Variants in ARSB observed in about 807,000 individuals in gnomAD.
The protein encoded by ARSB is N-acetylgalactosamine-4-sulfatase.
Under a neutral mutation model 50.9 loss-of-function variants are expected in ARSB, and 41 were observed. The observed-to-expected ratio is 0.81, with a 90% CI of 0.63 to 1.04. The LOEUF is 1.04. ARSB is among the 50% of genes least tolerant of loss of function. The pLI is 0.00. For missense variants in ARSB, 672 were observed against 693.3 expected (o/e 0.97, Z 0.35); for synonymous variants, 269 against 284.8 (o/e 0.94, Z 0.56).
chr5:78,786,858 C>A (rs1356675195), intron 6 of ARSB, among the ~76,000 whole-genome samples: 1 of 152,160 alleles, frequency 6.6e-6, no homozygotes, highest in Non-Finnish European at 1.5e-5. Flanking sequence ...CCTCTCACTC[C>A]AGCCTTCCAA....
At chr5:78,984,381 T>C (rs1230062067) in intron 1 of ARSB, among the ~76,000 whole-genome samples, 3 of 152,180 alleles carry the variant, frequency 2.0e-5, no homozygotes, top group African/African-American at 7.2e-5. Flanking sequence ...CAAGGTTACA[T>C]GTGAAAGGAA....
chr5:78,794,322 T>TG (rs1743099230), intron 6 of ARSB, among the ~76,000 whole-genome samples: 1 of 151,876 alleles, frequency 6.6e-6, no homozygotes, highest in South Asian at 2.1e-4. Flanking sequence ...TATATCATTT[T>TG]GGAAAAAAAA....
intron 5 of ARSB, among the ~76,000 whole-genome samples, chr5:78,850,896 A>G (rs904288772): frequency 6.6e-6 from 1 of 152,114 alleles, no homozygotes; most frequent in East Asian, 1.9e-4. Context: ...CTGTGGTATC[A>G]GTGGTGATAT....
chr5:78,917,531 G>A (rs1489786685), intron 4 of ARSB, among the ~76,000 whole-genome samples: 2 of 149,794 alleles, frequency 1.3e-5, no homozygotes, highest in East Asian at 2.0e-4. Flanking sequence ...ATTTTATTTT[G>A]AGACAGAGTC....
rs1333402479 is a variant in ARSB at position 78,985,105 on chromosome 5, G to A, written c.144C>T (p.Val48=). ...GAGASRPPHL[V]FLLADDLGWN... Reference sequence around the variant, plus strand: ...AGCCTAGGTCGTCTGCCAGCAAGAAGACCAGGTGGGGCGGCCGGCTGGCCC... The same window carrying A: ...AGCCTAGGTCGTCTGCCAGCAAGAAAACCAGGTGGGGCGGCCGGCTGGCCC... The change falls in exon 1 of 8, where the codon GTC becomes GTT. Residue 48 remains valine, a synonymous_variant. Coordinates refer to ENST00000264914, the MANE Select transcript of ARSB (RefSeq NM_000046.5). 4.6e-6 allele frequency: 7 copies of A among 1,513,996 alleles called. No individual in the cohort carries two copies. Among genetic ancestry groups the A allele is most frequent in the Non-Finnish European group, 6.2e-6 (7 of 1,129,354 alleles). 93.8% of individuals were successfully genotyped at this position (1,513,996 alleles called of 1,614,324 possible). A position where few individuals can be genotyped will look rare whatever the true frequency, so the allele number is the denominator to read the frequency against.
intron 5 of ARSB, chr5:78,884,756 A>T (rs1244925381): frequency 6.6e-6 from 1 of 152,076 alleles, no homozygotes; most frequent in Non-Finnish European, 1.5e-5. Flanking sequence ...AAAGGATGAG[A>T]TGAAATTAGA....
At chr5:78,866,961 A>G (rs1335519266) in intron 5 of ARSB, among the ~76,000 whole-genome samples, 1 of 152,212 alleles carries the variant, frequency 6.6e-6, no homozygotes, top group Non-Finnish European at 1.5e-5. Flanking sequence ...GTGGGTGCGC[A>G]CACCGTGCGC....
chr5:78,911,734 A>C (rs1369253230), intron 4 of ARSB, among the ~76,000 whole-genome samples: 1 of 152,114 alleles, frequency 6.6e-6, no homozygotes. Flanking sequence ...GTTGAATCAC[A>C]AAGAGACGAG....
intron 5 of ARSB, among the ~76,000 whole-genome samples, chr5:78,868,208 G>A (rs975632800): frequency 2.9e-5 from 4 of 139,712 alleles, no homozygotes; most frequent in Non-Finnish European, 4.6e-5. Flanking sequence ...AAAGTGATGC[G>A]GAGAATGGAA....
intron 6 of ARSB, among the ~76,000 whole-genome samples, chr5:78,817,919 G>A (rs2112668749): frequency 2.0e-5 from 3 of 152,328 alleles, no homozygotes; most frequent in Middle Eastern, 6.8e-3. Context: ...GCCAAGGCAG[G>A]TGGATCACTT....
chr5:78,906,837 A>G (rs571245382), intron 4 of ARSB, among the ~76,000 whole-genome samples: 98 of 152,312 alleles, frequency 6.4e-4, no homozygotes, highest in African/African-American at 2.2e-3. Flanking sequence ...AGAATGGGCT[A>G]AGGGAACTTG....
chr5:78,944,655 T>C (rs1751126237), intron 4 of ARSB, among the ~76,000 whole-genome samples: 1 of 152,100 alleles, frequency 6.6e-6, no homozygotes, highest in South Asian at 2.1e-4. Context: ...TCTCAGAGGG[T>C]TACCCGGCCA....
Position 78,981,027 on chromosome 5 carries a change from T to G in ARSB, c.312+3910A>C, listed in dbSNP as rs1335921750. The stretch of plus-strand genomic sequence containing the variant: ...GTGCAGTGGCGCAATCTCGGCTCAC[T>G]GCAAGCTCCGCCTCCCGGGTTCACG... On this transcript the variant is annotated intron_variant, in intron 1 of 7. Transcript: ENST00000264914. Among the ~76,000 whole-genome samples the G allele has an allele frequency of 7.1e-4, 4 of 5,604 alleles. 2 individuals carry two copies. The highest frequency in any genetic ancestry group is 4.7e-3 in the Admixed American group (2 of 422). The allele number at this position is 5,604 out of a possible 152,430, so 3.7% of individuals were successfully genotyped here.
chr5:78,818,790 C>T (rs918125170), intron 6 of ARSB, among the ~76,000 whole-genome samples: 1 of 151,866 alleles, frequency 6.6e-6, no homozygotes, highest in African/African-American at 2.4e-5. Context: ...ACATGCTTTT[C>T]AAGTGTCTTG....
chr5:78,941,380 C>T (rs1175495252), intron 4 of ARSB, among the ~76,000 whole-genome samples: 1 of 151,872 alleles, frequency 6.6e-6, no homozygotes. Context: ...AAAGGGAATG[C>T]TTTCAGTTTC....
chr5:78,875,698 C>T (rs1456243415), intron 5 of ARSB, among the ~76,000 whole-genome samples: 1 of 151,176 alleles, frequency 6.6e-6, no homozygotes, highest in Non-Finnish European at 1.5e-5. Flanking sequence ...GACAGAGTCT[C>T]GCTCTTTTAC....
At chr5:78,972,320 G>C (rs1752483805) in intron 1 of ARSB, among the ~76,000 whole-genome samples, 1 of 152,090 alleles carries the variant, frequency 6.6e-6, no homozygotes, top group African/African-American at 2.4e-5. Context: ...AGTAGTAACA[G>C]CTCCACTGGA....
chr5:78,867,629 C>A (rs200007217), intron 5 of ARSB, among the ~76,000 whole-genome samples: 3 of 152,158 alleles, frequency 2.0e-5, no homozygotes, highest in Admixed American at 6.5e-5. Context: ...AAGGAAAACT[C>A]ACAAACAGAA....
At chr5:78,880,193 C>G (rs1249301347) in intron 5 of ARSB, among the ~76,000 whole-genome samples, 3 of 152,164 alleles carry the variant, frequency 2.0e-5, no homozygotes, top group Non-Finnish European at 4.4e-5. Flanking sequence ...TTCCCAATTT[C>G]TCTGCAGTCA....
Sources: gnomAD v4.1 joint callset for allele counts (sites outside exome capture counted in the v4.1 genomes callset) on GRCh38, gnomAD v4.1.1 for gene constraint, MANE v1.5 for transcripts, NCBI Gene and HGNC (gene_info 2026-07-23, HGNC 2026-07-21) for gene names.